The following RBM6 variants were observed in gnomAD, a reference collection of about 807,000 sequenced individuals.
RBM6 encodes RNA binding motif protein 6.
In RBM6, 23 loss-of-function variants were observed where a neutral mutation model predicts 140.4. That is an observed-to-expected ratio of 0.16 (90% CI 0.12 to 0.23). The LOEUF (loss-of-function observed/expected upper bound fraction) is 0.23, where lower values mean the gene tolerates loss of function less well. RBM6 is among the 10% of genes least tolerant of loss of function. The probability of loss-of-function intolerance (pLI) is 1.00; values close to 1 mark genes in which losing one functional copy is unlikely to be tolerated. For missense variants in RBM6, 1,139 were observed against 1,386.7 expected (o/e 0.82, Z 2.84); for synonymous variants, 439 against 475.6 (o/e 0.92, Z 1.00).
chr3:50,040,471 AAT>A (rs869038826), intron 6 of RBM6, among the ~76,000 whole-genome samples: 889 of 33,496 alleles, frequency 0.027, 18 homozygotes, highest in Non-Finnish European at 0.034. Context: ...AAAAAAAAAA[AAT>A]ATATATATAT....
At chr3:50,008,679 G>A (rs6787892) in intron 6 of RBM6, among the ~76,000 whole-genome samples, 32,958 of 149,772 alleles carry the variant, frequency 0.22, 3,886 homozygotes, top group Middle Eastern at 0.28. Context: ...TTGGCCTCCC[G>A]AGTAGCTGGG....
rs576802859 is a variant in RBM6 at position 50,037,698 on chromosome 3, T to C, written c.1558-10547T>C. 3.9e-5 allele frequency among the ~76,000 whole-genome samples: 6 copies of C among 152,264 alleles called. No individual in the cohort carries two copies. The South Asian group carries it at 1.2e-3, about 32-fold the overall frequency. On this transcript the variant is annotated intron_variant, in intron 6 of 20. Coordinates refer to ENST00000266022, the MANE Select transcript of RBM6 (RefSeq NM_005777.3). The stretch of plus-strand genomic sequence containing the variant: ...AATAGCAATGGAGATGGGGTCTCAC[T>C]GTGTTCCCTGAGCTGGTCTGGTCTC...
At chr3:49,994,669 G>GGTGTGTGTGT (rs59949998) in intron 5 of RBM6, among the ~76,000 whole-genome samples, 29,779 of 148,054 alleles carry the variant, frequency 0.2, 3,159 homozygotes, top group Middle Eastern at 0.26. Context: ...AAGGCTGTGG[G>GGTGTGTGTGT]GTGTGTGTGT....
intron 5 of RBM6, among the ~76,000 whole-genome samples, chr3:49,988,377 C>CA (rs1361562228): frequency 6.6e-6 from 1 of 151,906 alleles, no homozygotes; most frequent in Non-Finnish European, 1.5e-5. Flanking sequence ...CTCCTAAGCT[C>CA]AAACAACCGT....
At chr3:49,995,172 G>T (rs974602991) in intron 5 of RBM6, among the ~76,000 whole-genome samples, 2 of 152,178 alleles carry the variant, frequency 1.3e-5, no homozygotes, top group Admixed American at 1.3e-4. Context: ...TGGGAAACAG[G>T]CAACCACATG....
intron 6 of RBM6, among the ~76,000 whole-genome samples, chr3:50,018,579 GTGTT>G (rs1559592617): frequency 2.4e-5 from 3 of 124,004 alleles, no homozygotes; most frequent in Non-Finnish European, 4.9e-5. Context: ...TGGTAGGAGT[GTGTT>G]TTTTTTTTTT....
chr3:50,014,113 C>T (rs1031648365), intron 6 of RBM6, among the ~76,000 whole-genome samples: 4 of 152,166 alleles, frequency 2.6e-5, no homozygotes, highest in East Asian at 1.9e-4. Context: ...CCTGGCTTGC[C>T]GTGGATTGTC....
intron 11 of RBM6, 35 bp from the exon 12 acceptor site, chr3:50,060,921 A>T (rs771996105): frequency 2.0e-6 from 3 of 1,527,802 alleles, no homozygotes; most frequent in Non-Finnish European, 2.6e-6. Context: ...GCCACTTGGT[A>T]GCAGCCTTAA....
Position 49,968,539 on chromosome 3 carries a change from C to T in RBM6, c.1114C>T (p.Leu372Phe). 1 of 1,614,190 alleles carries T rather than the reference C, an allele frequency of 6.2e-7. No individual in the cohort carries two copies. Among genetic ancestry groups the T allele is most frequent in the Non-Finnish European group, 8.5e-7 (1 of 1,180,040 alleles). Residue 372 changes from leucine (L) to phenylalanine (F), a missense_variant, in exon 3 of 21, where the codon CTT becomes TTT. This residue lies in a region of RBM6 where 566 missense variants were observed against 612.7 expected (regional missense o/e 0.92). Transcript: ENST00000266022. The stretch of plus-strand genomic sequence containing the variant: ...AGTTCAAGACCAAGATAAGTCACAG[C>T]TTTCTGGACGTGAAGAGCAGAGTTC... The part of the protein sequence containing the change: ...SPVQDQDKSQ[L>F]SGREEQSSDA...
chr3:50,051,039 GA>G (rs973064319), intron 7 of RBM6, among the ~76,000 whole-genome samples: 6 of 149,774 alleles, frequency 4.0e-5, no homozygotes, highest in African/African-American at 1.2e-4. Context: ...CCTTTCTAAA[GA>G]AAAAAAAAGA....
At chr3:49,965,653 G>A (rs2084477590) in intron 2 of RBM6, among the ~76,000 whole-genome samples, 2 of 150,804 alleles carry the variant, frequency 1.3e-5, no homozygotes, top group South Asian at 4.2e-4. Flanking sequence ...CTGGGCGACA[G>A]AGCGAGACTC....
chr3:49,957,503 C>G (rs1351533688), intron 1 of RBM6, among the ~76,000 whole-genome samples: 1 of 151,972 alleles, frequency 6.6e-6, no homozygotes, highest in Non-Finnish European at 1.5e-5. Context: ...ACCTTATTTT[C>G]TTATGTGTAT....
At chr3:50,069,850 CT>C (rs1254915211) in intron 18 of RBM6, among the ~76,000 whole-genome samples, 4 of 152,152 alleles carry the variant, frequency 2.6e-5, no homozygotes, top group Non-Finnish European at 5.9e-5. Context: ...CTGCTTTGGA[CT>C]CCTTAAGTTT....
intron 8 of RBM6, among the ~76,000 whole-genome samples, chr3:50,054,857 G>A (rs1452189675): frequency 1.4e-5 from 2 of 148,020 alleles, no homozygotes; most frequent in East Asian, 4.1e-4. Context: ...ACAGAGTCTC[G>A]TACTCACCCA....
intron 1 of RBM6, among the ~76,000 whole-genome samples, chr3:49,959,455 T>C (rs1351228425): frequency 6.6e-6 from 1 of 150,694 alleles, no homozygotes; most frequent in Admixed American, 6.7e-5. Flanking sequence ...CGCCTCGGCC[T>C]CCCAAAGTGC....
intron 20 of RBM6, among the ~76,000 whole-genome samples, chr3:50,075,784 A>T (rs1192919037): frequency 2.0e-5 from 3 of 152,104 alleles, no homozygotes; most frequent in Non-Finnish European, 2.9e-5. Flanking sequence ...AAAAGGTGAT[A>T]AGAGGAAACA....
intron 1 of RBM6, among the ~76,000 whole-genome samples, chr3:49,946,470 C>A (rs181211826): frequency 6.6e-6 from 1 of 152,110 alleles, no homozygotes; most frequent in Non-Finnish European, 1.5e-5. Flanking sequence ...GAACTCCTGA[C>A]GTCAGGTGAC....
At chr3:49,960,973 G>A (rs368804527) in intron 1 of RBM6, among the ~76,000 whole-genome samples, 37 of 149,252 alleles carry the variant, frequency 2.5e-4, no homozygotes, top group Admixed American at 4.7e-4. Flanking sequence ...GCAGTGGTGC[G>A]ATCTTGGCTC....
intron 5 of RBM6, among the ~76,000 whole-genome samples, chr3:49,990,174 TG>T (rs1251605411): frequency 1.3e-5 from 2 of 152,194 alleles, no homozygotes; most frequent in Non-Finnish European, 2.9e-5. Context: ...TTTTGAGAAA[TG>T]GATCAAGTGA....
Sources: allele counts gnomAD v4.1 joint callset (sites outside exome capture counted in the v4.1 genomes callset), GRCh38; gene constraint gnomAD v4.1.1; regional missense constraint gnomAD v4.1.1; transcripts MANE v1.5; gene names NCBI Gene and HGNC (gene_info 2026-07-23, HGNC 2026-07-21).